NAV2: variants seen among roughly 807,000 people sequenced by gnomAD.
NAV2 encodes the protein helicase, APC down-regulated 1.
In NAV2, 54 loss-of-function variants were observed where a neutral mutation model predicts 223.2. The ratio of observed to expected loss-of-function variants is 0.24; its 90% CI spans 0.19 to 0.30. NAV2 has a LOEUF of 0.30. NAV2 is among the 10% of genes least tolerant of loss of function. The pLI is 1.00. For missense variants in NAV2, 2,806 were observed against 3,147.5 expected, an observed-to-expected ratio of 0.89 and a Z score of 2.60; for synonymous variants, 1,279 against 1,239.3, an observed-to-expected ratio of 1.03 and a Z score of -0.67.
At position 19,547,041 on chromosome 11, in the gene NAV2, C is replaced by T. The variant is rs77719067; in HGVS notation, c.75+196014C>T. Among the ~76,000 whole-genome samples the T allele has an allele frequency of 3.1e-3, 470 of 152,306 alleles. 2 individuals are homozygous for T. Among genetic ancestry groups the T allele is most frequent in the African/African-American group, 0.01 (436 of 41,556 alleles). On this transcript the variant is annotated intron_variant, in intron 1 of 37. Coordinates refer to the NAV2 transcript ENST00000360655. The stretch of plus-strand genomic sequence containing the variant: ...AGGCATAGAATCAGAGTGGGTGCAC[C>T]GGAACTGTGTCCTGCTGCCTTTGAA...
intron 5 of NAV2, among the ~76,000 whole-genome samples, chr11:19,883,855 G>A (rs1461841918): frequency 1.3e-5 from 2 of 152,164 alleles, no homozygotes; most frequent in African/African-American, 2.4e-5. Flanking sequence ...GTATAGGTTT[G>A]CAAACATCTT....
intron 11 of NAV2, among the ~76,000 whole-genome samples, chr11:19,989,247 G>A (rs952231484): frequency 6.6e-6 from 1 of 152,168 alleles, no homozygotes; most frequent in Admixed American, 6.5e-5. Context: ...ATAATCACAA[G>A]GTCCTCAAAA....
intron 23 of NAV2, 63 bp downstream of exon 23, chr11:20,077,698 A>AT: frequency 1.6e-6 from 2 of 1,276,862 alleles, no homozygotes; most frequent in South Asian, 2.4e-5. Flanking sequence ...TGAAAATACT[A>AT]TTCTTTCATT....
chr11:19,709,542 G>A (rs746848013), upstream of NAV2, among the ~76,000 whole-genome samples: 33 of 51,578 alleles, frequency 6.4e-4, no homozygotes, highest in Admixed American at 2.5e-3. Flanking sequence ...GTGAGACTCC[G>A]TCTCAAAAAA....
intron 1 of NAV2, among the ~76,000 whole-genome samples, chr11:19,818,589 G>A (rs916781831): frequency 1.3e-5 from 2 of 152,008 alleles, no homozygotes; most frequent in African/African-American, 2.4e-5. Context: ...TATTAAAATA[G>A]TGGCTGTAGT....
chr11:19,872,975 C>G (rs566602145), intron 4 of NAV2, among the ~76,000 whole-genome samples: 1 of 152,330 alleles, frequency 6.6e-6, no homozygotes, highest in South Asian at 2.1e-4. Flanking sequence ...CCCACCAACC[C>G]TTCCCCAGAA....
intron 26 of NAV2, among the ~76,000 whole-genome samples, chr11:20,084,010 A>G (rs1228690294): frequency 6.6e-6 from 1 of 152,242 alleles, no homozygotes; most frequent in South Asian, 2.1e-4. Context: ...CAGCCTGTCC[A>G]GAGGCCAGAT....
intron 1 of NAV2, among the ~76,000 whole-genome samples, chr11:19,609,842 GCTCTAGTGCCAAGACTGGAC>G (rs921242841): frequency 1.3e-5 from 2 of 152,224 alleles, no homozygotes; most frequent in African/African-American, 4.8e-5. Flanking sequence ...GTCCATATTG[GCTCTAGTGCCAAGACTGGAC>G]CTCTGTTTAA....
At chr11:19,450,464 T>C (rs915412810) in intron 1 of NAV2, among the ~76,000 whole-genome samples, 5 of 152,212 alleles carry the variant, frequency 3.3e-5, no homozygotes, top group Non-Finnish European at 7.4e-5. Context: ...AAATCACTGG[T>C]GCTAAGCCCT....
At chr11:19,359,025 G>A (rs188164749) in intron 1 of NAV2, among the ~76,000 whole-genome samples, 8 of 152,120 alleles carry the variant, frequency 5.3e-5, no homozygotes, top group Admixed American at 2.0e-4. Flanking sequence ...TACAGTGTTC[G>A]GCATACAGTA....
At chr11:19,436,969 C>G (rs894658518) in intron 1 of NAV2, among the ~76,000 whole-genome samples, 7 of 152,068 alleles carry the variant, frequency 4.6e-5, no homozygotes, top group African/African-American at 1.7e-4. Flanking sequence ...TAAGTTATAA[C>G]ACATTTTTGG....
intron 1 of NAV2, among the ~76,000 whole-genome samples, chr11:19,376,510 A>C (rs1412970662): frequency 1.3e-5 from 2 of 152,168 alleles, no homozygotes; most frequent in East Asian, 3.8e-4. Flanking sequence ...CAGAGCCTGG[A>C]CTCGAACCCA....
Position 19,564,856 on chromosome 11 carries a change from C to CGG in NAV2, c.75+213831_75+213832dup, listed in dbSNP as rs576974488. 1.6e-4 allele frequency among the ~76,000 whole-genome samples: 25 copies of CGG among 152,280 alleles called. No individual in the cohort carries two copies. In the East Asian group the frequency reaches 4.6e-3, roughly 28 times the overall value. On this transcript the variant is annotated intron_variant, in intron 1 of 37. Coordinates refer to the NAV2 transcript ENST00000360655. Reference sequence around the variant, plus strand: ...AGCAAAAGTAATAATGACACTGGGCCGGGCGTGGTGGCTCACGCCTGTAAT... The same window carrying CGG: ...AGCAAAAGTAATAATGACACTGGGCCGGGGGCGTGGTGGCTCACGCCTGTAAT...
At chr11:19,346,254 C>G (rs1853000253), upstream of NAV2, among the ~76,000 whole-genome samples, 1 of 152,196 alleles carries the variant, frequency 6.6e-6, no homozygotes, top group Non-Finnish European at 1.5e-5. Context: ...GTCTGCATGT[C>G]TGCGAGTATC....
intron 25 of NAV2, among the ~76,000 whole-genome samples, chr11:20,082,421 A>G (rs182394638): frequency 1.2e-4 from 19 of 152,266 alleles, no homozygotes; most frequent in Non-Finnish European, 4.4e-5. Flanking sequence ...ACATGCCCCC[A>G]GTGCTTTTAA....
intron 1 of NAV2, among the ~76,000 whole-genome samples, chr11:19,437,262 T>C (rs542053680): frequency 7.7e-4 from 118 of 152,266 alleles, no homozygotes; most frequent in African/African-American, 2.8e-3. Flanking sequence ...AATACTTTTT[T>C]CCAATCCTTG....
chr11:19,652,044 G>A (rs1246138777), intron 1 of NAV2, among the ~76,000 whole-genome samples: 1 of 152,172 alleles, frequency 6.6e-6, no homozygotes. Context: ...GTGGACCATA[G>A]AACATCCTGG....
chr11:19,604,302 G>C (rs925355629), intron 1 of NAV2, among the ~76,000 whole-genome samples: 10 of 152,016 alleles, frequency 6.6e-5, no homozygotes, highest in African/African-American at 2.4e-4. Context: ...GGCTTGGACT[G>C]GGGGGGCATC....
At chr11:19,450,248 C>T (rs557044263) in intron 1 of NAV2, among the ~76,000 whole-genome samples, 3 of 152,270 alleles carry the variant, frequency 2.0e-5, no homozygotes, top group South Asian at 2.1e-4. Context: ...CCCTGCACAG[C>T]GTATGATTTG....
Sources: allele counts gnomAD v4.1 joint callset (sites outside exome capture counted in the v4.1 genomes callset), GRCh38; gene constraint gnomAD v4.1.1; transcripts MANE v1.5; gene names NCBI Gene and HGNC (gene_info 2026-07-23, HGNC 2026-07-21).